TSHZ1: variants seen among roughly 807,000 people sequenced by gnomAD.
TSHZ1 encodes the protein teashirt homolog 1.
A neutral mutation model predicts 67.1 loss-of-function variants in TSHZ1; 12 were observed. The observed-to-expected ratio is 0.18, with a 90% CI of 0.11 to 0.29. The LOEUF (loss-of-function observed/expected upper bound fraction) is 0.29, where lower values mean the gene tolerates loss of function less well. Among genes scored for constraint, TSHZ1 ranks in the 10% least tolerant of loss-of-function variants. TSHZ1 has a pLI of 1.00. For missense variants in TSHZ1, 1,305 were observed against 1,413.9 expected (o/e 0.92, Z 1.23); for synonymous variants, 632 against 622.4 (o/e 1.02, Z -0.23).
intron 1 of TSHZ1, among the ~76,000 whole-genome samples, chr18:75,243,344 C>T (rs1425585273): frequency 6.6e-6 from 1 of 152,148 alleles, no homozygotes; most frequent in African/African-American, 2.4e-5. Context: ...TTGAGAAATG[C>T]AATGATGAGC....
intron 1 of TSHZ1, among the ~76,000 whole-genome samples, chr18:75,278,100 T>TA (rs944835391): frequency 2.0e-5 from 3 of 152,118 alleles, no homozygotes; most frequent in South Asian, 2.1e-4. Context: ...CACGTTAGTG[T>TA]AAGCCCCATA....
chr18:75,274,376 CG>C (rs1334957111), intron 1 of TSHZ1, among the ~76,000 whole-genome samples: 1 of 151,916 alleles, frequency 6.6e-6, no homozygotes, highest in Non-Finnish European at 1.5e-5. Context: ...GTGACGCCAA[CG>C]GTGAGGGTGT....
At position 75,229,366 on chromosome 18, in the gene TSHZ1, G is replaced by T. The variant is rs573744421; in HGVS notation, c.40+17450G>T. 5.3e-5 allele frequency among the ~76,000 whole-genome samples: 8 copies of T among 152,352 alleles called. No individual in the cohort carries two copies. The South Asian group carries it at 1.7e-3, about 32-fold the overall frequency. ...TGCGTCTCATCTCTGGGAGCTTCCG[G>T]TCCGATGGTGTGAACTGCTTTCTAG... is the stretch of plus-strand genomic sequence containing the variant. On this transcript the variant is annotated intron_variant, in intron 1 of 1. Coordinates refer to ENST00000580243, the MANE Select transcript of TSHZ1 (RefSeq NM_001308210.2).
At chr18:75,253,364 A>G (rs6566066) in intron 1 of TSHZ1, among the ~76,000 whole-genome samples, 90,273 of 152,162 alleles carry the variant, frequency 0.59, 26,883 homozygotes, top group South Asian at 0.7. Flanking sequence ...AGAAAATACT[A>G]TAACTCTTCA....
chr18:75,278,377 C>T (rs983314966), intron 1 of TSHZ1, among the ~76,000 whole-genome samples: 9 of 152,176 alleles, frequency 5.9e-5, no homozygotes, highest in African/African-American at 2.2e-4. Flanking sequence ...CTGGGTTGCT[C>T]CTGTTTGGAG....
chr18:75,285,243 C>A, intron 1 of TSHZ1: 1 of 466,412 alleles, frequency 2.1e-6, no homozygotes, highest in Non-Finnish European at 3.6e-6. Context: ...CAGCTCAGTC[C>A]CCTTTGCTAA....
intron 1 of TSHZ1, among the ~76,000 whole-genome samples, chr18:75,272,272 C>T (rs761628793): frequency 3.9e-5 from 6 of 152,202 alleles, no homozygotes; most frequent in Admixed American, 6.5e-5. Flanking sequence ...GCACGCGAGG[C>T]GCCTTGGTCT....
Position 75,211,840 on chromosome 18 carries a change from G to A in TSHZ1, c.-37G>A. 1 of 1,136,000 alleles carries A rather than the reference G, an allele frequency of 8.8e-7. No homozygotes were observed. Among genetic ancestry groups the A allele is most frequent in the Non-Finnish European group, 1.1e-6 (1 of 927,078 alleles). 70.4% of individuals were successfully genotyped at this position (1,136,000 alleles called of 1,614,324 possible). On this transcript the variant is annotated 5_prime_UTR_variant, in exon 1 of 2. Coordinates refer to ENST00000580243, the MANE Select transcript of TSHZ1 (RefSeq NM_001308210.2). ...GCGTCCCCGCGCCCCGCGAACTCCGGCGGCGGCTGAGGCGACGGCTGCGGC... is the reference window on the plus strand; with the variant it reads ...GCGTCCCCGCGCCCCGCGAACTCCGACGGCGGCTGAGGCGACGGCTGCGGC...
chr18:75,271,242 A>G (rs2023552926), intron 1 of TSHZ1, among the ~76,000 whole-genome samples: 1 of 152,176 alleles, frequency 6.6e-6, no homozygotes, highest in Admixed American at 6.5e-5. Context: ...ATTTTTGAAA[A>G]TGCAAGTAAT....
At chr18:75,280,681 C>T in intron 1 of TSHZ1, 1 of 921,732 alleles carries the variant, frequency 1.1e-6, no homozygotes, top group Non-Finnish European at 1.3e-6. Context: ...AAAGGTGTTT[C>T]AGTGATAACT....
At chr18:75,218,842 C>G (rs887078836) in intron 1 of TSHZ1, among the ~76,000 whole-genome samples, 13 of 152,378 alleles carry the variant, frequency 8.5e-5, no homozygotes, top group Non-Finnish European at 1.5e-4. Flanking sequence ...CTCCCAGACC[C>G]TACCTGACCA....
intron 1 of TSHZ1, among the ~76,000 whole-genome samples, chr18:75,274,082 G>A (rs2639968): frequency 0.019 from 2,856 of 152,140 alleles, 50 homozygotes; most frequent in African/African-American, 0.051. Context: ...GGTGCTGTGC[G>A]TGTCCCCCCG....
chr18:75,250,951 C>T (rs1409487219), intron 1 of TSHZ1, among the ~76,000 whole-genome samples: 1 of 152,190 alleles, frequency 6.6e-6, no homozygotes, highest in African/African-American at 2.4e-5. Flanking sequence ...CAGCCCCGGG[C>T]GTGTTTGCGG....
In TSHZ1 at chr18:75,285,899, C is replaced by T. The variant is rs780205985; in HGVS notation, c.492C>T (p.Pro164=). The T allele has an allele frequency of 2.3e-5, 35 of 1,535,096 alleles. No homozygotes were observed. Among genetic ancestry groups the T allele is most frequent in the African/African-American group, 5.6e-5 (4 of 71,846 alleles). ...CCACCCCCACACCCCCCACCTGCCC[C>T]GTCAGCACCACTGGCCCCACCACGA... ...SAPTPTPPTC[P]VSTTGPTTST... Residue 164 remains proline (P), a synonymous_variant, in exon 2 of 2, where the codon CCC becomes CCT. Coordinates refer to ENST00000580243, the MANE Select transcript of TSHZ1 (RefSeq NM_001308210.2).
chr18:75,219,641 T>C (rs2022819763), intron 1 of TSHZ1, among the ~76,000 whole-genome samples: 1 of 152,252 alleles, frequency 6.6e-6, no homozygotes, highest in Admixed American at 6.5e-5. Flanking sequence ...TCTTGAACTC[T>C]TTCTTTAGAC....
At chr18:75,235,385 C>G (rs925097234) in intron 1 of TSHZ1, among the ~76,000 whole-genome samples, 2 of 152,152 alleles carry the variant, frequency 1.3e-5, no homozygotes, top group East Asian at 1.9e-4. Context: ...CTTCCCAGCT[C>G]TATACCTGCA....
intron 1 of TSHZ1, among the ~76,000 whole-genome samples, chr18:75,237,218 A>G (rs2023084642): frequency 6.6e-6 from 1 of 152,134 alleles, no homozygotes; most frequent in Admixed American, 6.5e-5. Flanking sequence ...GTCATGTTCC[A>G]TGTATGAAAT....
In TSHZ1 at chr18:75,285,879, C is replaced by T. The variant is rs934396009; in HGVS notation, c.472C>T (p.Pro158Ser). 1.9e-6 allele frequency: 3 copies of T among 1,546,840 alleles called. No individual in the cohort carries two copies. Among genetic ancestry groups the T allele is most frequent in the African/African-American group, 2.8e-5 (2 of 72,006 alleles). The change falls in exon 2 of 2, where the codon CCC becomes TCC. Residue 158 changes from proline to serine, a missense_variant. By Grantham distance (74) the Pro-to-Ser change is moderately conservative. This residue lies in a region of TSHZ1 where 358 missense variants were observed against 375.6 expected (regional missense o/e 0.95). Transcript: ENST00000580243. The stretch of plus-strand genomic sequence containing the variant: ...CCAGAAGGAGAGCTCCGCCCCCACC[C>T]CCACACCCCCCACCTGCCCCGTCAG... ...ASQKESSAPT[P>S]TPPTCPVSTT...
chr18:75,272,197 G>A (rs1299742888), intron 1 of TSHZ1, among the ~76,000 whole-genome samples: 1 of 152,250 alleles, frequency 6.6e-6, no homozygotes, highest in Non-Finnish European at 1.5e-5. Context: ...CGGATGTATA[G>A]TTTATCAGAT....
Sources: allele counts gnomAD v4.1 joint callset (sites outside exome capture counted in the v4.1 genomes callset), GRCh38; gene constraint gnomAD v4.1.1; regional missense constraint gnomAD v4.1.1; transcripts MANE v1.5; gene names NCBI Gene and HGNC (gene_info 2026-07-23, HGNC 2026-07-21).